The following SH2B2 variants were observed in gnomAD, a reference collection of about 807,000 sequenced individuals.
The protein encoded by SH2B2 is SH2B adapter protein 2.
SH2B2 carries 37 observed loss-of-function variants against 35.7 expected under a neutral mutation model. The observed-to-expected ratio is 1.04, with a 90% CI of 0.80 to 1.36. SH2B2 has a LOEUF of 1.36. Among genes scored for constraint, SH2B2 ranks in the 40% most tolerant of loss-of-function variants. SH2B2 has a pLI of 0.00. For synonymous variants in SH2B2, 383 were observed against 376.4 expected, an observed-to-expected ratio of 1.02 and a Z score of -0.20; for missense variants, 852 against 817.7, an observed-to-expected ratio of 1.04 and a Z score of -0.51.
chr7:102,298,597 T>C (rs1793011382), intron 1 of SH2B2, among the ~76,000 whole-genome samples: 2 of 152,298 alleles, frequency 1.3e-5, no homozygotes, highest in African/African-American at 4.8e-5. Flanking sequence ...TGTTTATTTT[T>C]TGGGACAGGG....
chr7:102,321,138 G>A (rs548785481), intron 8 of SH2B2, among the ~76,000 whole-genome samples, 161 bp from the exon 9 acceptor site: 5 of 152,288 alleles, frequency 3.3e-5, no homozygotes, highest in African/African-American at 1.2e-4. Context: ...GTGTGCTTCT[G>A]TTTATGCATG....
chr7:102,285,349 C>A (rs1293842), upstream of SH2B2: 1 of 905,928 alleles, frequency 1.1e-6, no homozygotes, highest in South Asian at 1.4e-5. Context: ...CTCCCACTCT[C>A]GGGCACCCCC....
At chr7:102,292,487 C>CGCCATT (rs1792708959) in intron 1 of SH2B2, among the ~76,000 whole-genome samples, 1 of 150,562 alleles carries the variant, frequency 6.6e-6, no homozygotes, top group Non-Finnish European at 1.5e-5. Context: ...GCCAAGATCA[C>CGCCATT]GCCATTGCAC....
In SH2B2 at chr7:102,320,527, G is replaced by GTGATTACTCAAGAAGACTTCCCGT. The variant is rs531288889; in HGVS notation, c.1567+41_1567+64dup. On this transcript the variant is annotated intron_variant, in intron 8 of 8. Transcript: ENST00000444095. The stretch of plus-strand genomic sequence containing the variant: ...GGTAAGATGCCGCCACCTGGCTGGT[G>GTGATTACTCAAGAAGACTTCCCGT]TGATTACTCAAGAAGACTTCCCGTT... 1.5e-3 allele frequency: 2,480 copies of GTGATTACTCAAGAAGACTTCCCGT among 1,608,044 alleles called. 42 individuals are homozygous for GTGATTACTCAAGAAGACTTCCCGT. In the African/African-American group the frequency reaches 0.029, roughly 19 times the overall value.
chr7:102,321,570 GC>G lies in SH2B2; in HGVS notation c.1844del (p.Pro615ArgfsTer33), dbSNP rs1554558650. On this transcript the variant is annotated frameshift_variant, in exon 9 of 9. Coordinates refer to ENST00000444095, the MANE Select transcript of SH2B2 (RefSeq NM_001359228.2). LOFTEE classifies it high-confidence loss of function. ...EAVAATAAEE[P>X]PEAAPGRARA... ...CCGTGGCCGCCACCGCCGCCGAGGA[GC>G]CCCCGGAGGCCGCGCCCGGCCGCGC... 2 of 1,157,268 alleles carry G rather than the reference GC, an allele frequency of 1.7e-6. No homozygotes were observed. The highest frequency in any genetic ancestry group is 3.9e-5 in the South Asian group (1 of 25,764). 71.7% of individuals were successfully genotyped at this position (1,157,268 alleles called of 1,614,324 possible). A position where few individuals can be genotyped will look rare whatever the true frequency, so the allele number is the denominator to read the frequency against.
At chr7:102,295,674 G>T (rs1007924896) in intron 1 of SH2B2, among the ~76,000 whole-genome samples, 10 of 152,224 alleles carry the variant, frequency 6.6e-5, no homozygotes, top group Non-Finnish European at 7.3e-5. Context: ...GACTGTGGGA[G>T]CTCAGAGGAG....
At chr7:102,300,105 C>T (rs868907478) in intron 1 of SH2B2, among the ~76,000 whole-genome samples, 8 of 152,194 alleles carry the variant, frequency 5.3e-5, no homozygotes, top group Non-Finnish European at 8.8e-5. Context: ...TTTACTGCAA[C>T]CTCTGCCTCT....
chr7:102,314,782 G>C (rs1406986775), intron 6 of SH2B2, 100 bp downstream of exon 6: 1 of 398,132 alleles, frequency 2.5e-6, no homozygotes, highest in African/African-American at 2.1e-5. Flanking sequence ...CTAAGCCTCA[G>C]AAGCTGTGAC....
intron 1 of SH2B2, among the ~76,000 whole-genome samples, chr7:102,294,347 G>A (rs1164761952): frequency 3.3e-5 from 5 of 152,138 alleles, no homozygotes; most frequent in Admixed American, 6.6e-5. Context: ...GGTTTTGCAC[G>A]GTCTAAAGGG....
At chr7:102,291,619 C>T (rs757366836) in intron 1 of SH2B2, among the ~76,000 whole-genome samples, 2 of 152,142 alleles carry the variant, frequency 1.3e-5, no homozygotes, top group African/African-American at 2.4e-5. Flanking sequence ...TGCCTTCTGC[C>T]GGGGTGGTGG....
At chr7:102,309,643 G>T (rs1554555659) in intron 4 of SH2B2, 1 of 203,652 alleles carries the variant, frequency 4.9e-6, no homozygotes, top group Admixed American at 5.7e-5. Context: ...TTACCGGCAT[G>T]AGCCACTGTG....
intron 6 of SH2B2, among the ~76,000 whole-genome samples, chr7:102,315,033 A>G (rs1793767484): frequency 6.6e-6 from 1 of 152,106 alleles, no homozygotes; most frequent in South Asian, 2.1e-4. Context: ...TACTAAAAAT[A>G]TAAAAATTAG....
At chr7:102,321,222 C>T in intron 8 of SH2B2, 77 bp from the exon 9 acceptor site, 2 of 1,227,562 alleles carry the variant, frequency 1.6e-6, no homozygotes, top group East Asian at 3.5e-5. Context: ...GCCCTGGCCC[C>T]TTGAGGGATC....
chr7:102,311,401 C>A (rs560540747), intron 4 of SH2B2, among the ~76,000 whole-genome samples: 2 of 152,174 alleles, frequency 1.3e-5, no homozygotes, highest in South Asian at 4.1e-4. Flanking sequence ...ATTATAGGCA[C>A]CTGCCAACAA....
At chr7:102,295,212 C>T (rs1792854311) in intron 1 of SH2B2, among the ~76,000 whole-genome samples, 1 of 152,186 alleles carries the variant, frequency 6.6e-6, no homozygotes, top group South Asian at 2.1e-4. Context: ...CCGCTGCCTG[C>T]CCCATGTGGG....
chr7:102,321,371 T>A lies in SH2B2; in HGVS notation c.1640T>A (p.Phe547Tyr), dbSNP rs1461584909. 1.6e-5 allele frequency: 23 copies of A among 1,409,228 alleles called. No individual in the cohort carries two copies. The highest frequency in any genetic ancestry group is 2.1e-5 in the Non-Finnish European group (23 of 1,083,652). 87.3% of individuals were successfully genotyped at this position (1,409,228 alleles called of 1,614,324 possible). A position where few individuals can be genotyped will look rare whatever the true frequency, so the allele number is the denominator to read the frequency against. The change falls in exon 9 of 9, where the codon TTC becomes TAC. Residue 547 changes from phenylalanine to tyrosine, a missense_variant. Physicochemically the swap from Phe to Tyr is conservative, Grantham distance 22 (BLOSUM62 3). This residue lies in a region of SH2B2 where 556 missense variants were observed against 514.5 expected (regional missense o/e 1.08). Transcript: ENST00000444095. The part of the protein sequence containing the change: ...CWSDSPGQHY[F>Y]SSLAAAACPP... ...AGCGACTCGCCCGGCCAGCACTACT[T>A]CTCCAGCCTCGCCGCGGCCGCCTGC...
intron 4 of SH2B2, among the ~76,000 whole-genome samples, chr7:102,311,215 A>C (rs1793607149): frequency 6.6e-6 from 1 of 151,670 alleles, no homozygotes; most frequent in Non-Finnish European, 1.5e-5. Flanking sequence ...TCAGCCTCCC[A>C]AGTAACTGGG....
chr7:102,313,222 A>G (rs2133020880), intron 4 of SH2B2, among the ~76,000 whole-genome samples: 1 of 151,336 alleles, frequency 6.6e-6, no homozygotes, highest in East Asian at 1.9e-4. Context: ...CAAGGCGGGC[A>G]GATCACCAGT....
chr7:102,296,554 C>G (rs1271441379), intron 1 of SH2B2, among the ~76,000 whole-genome samples: 1 of 152,330 alleles, frequency 6.6e-6, no homozygotes, highest in Admixed American at 6.5e-5. Context: ...ACCTGTGTCC[C>G]CAGAGGCAAT....
Sources: allele counts gnomAD v4.1 joint callset (sites outside exome capture counted in the v4.1 genomes callset), GRCh38; gene constraint gnomAD v4.1.1; regional missense constraint gnomAD v4.1.1; transcripts MANE v1.5; gene names NCBI Gene and HGNC (gene_info 2026-07-23, HGNC 2026-07-21).